Variants in RGS7 observed in about 807,000 individuals in gnomAD.
RGS7 encodes regulator of G protein signaling 7, also known as regulator of G-protein signaling 7.
A neutral mutation model predicts 81.1 loss-of-function variants in RGS7; 27 were observed. The ratio of observed to expected loss-of-function variants is 0.33; its 90% confidence interval spans 0.25 to 0.46. RGS7 has a LOEUF of 0.46. Ranked by LOEUF, RGS7 falls within the 20% of genes least tolerant of loss-of-function variation. The pLI, the probability that RGS7 is intolerant of heterozygous loss-of-function variation, is 1.00. For missense variants in RGS7, 396 were observed against 607.4 expected (o/e 0.65, Z 3.66); for synonymous variants, 208 against 207.7 (o/e 1.00, Z -0.01).
At chr1:241,333,358 G>A (rs1329731591) in intron 2 of RGS7, among the ~76,000 whole-genome samples, 1 of 152,168 alleles carries the variant, frequency 6.6e-6, no homozygotes, top group Non-Finnish European at 1.5e-5. Context: ...TCCCATTTGG[G>A]TCATTCCAAT....
chr1:240,834,304 T>C (rs1018960059), intron 9 of RGS7, among the ~76,000 whole-genome samples: 4 of 152,194 alleles, frequency 2.6e-5, no homozygotes, highest in Non-Finnish European at 5.9e-5. Context: ...CTATTAGGCC[T>C]CATTTGCTAG....
chr1:241,253,917 T>C (rs2076939610), intron 2 of RGS7, among the ~76,000 whole-genome samples: 1 of 152,128 alleles, frequency 6.6e-6, no homozygotes, highest in African/African-American at 2.4e-5. Flanking sequence ...CAGTGTTCAA[T>C]GTGGTGAAGA....
intron 2 of RGS7, among the ~76,000 whole-genome samples, chr1:241,251,138 C>G (rs1288313541): frequency 6.6e-6 from 1 of 152,172 alleles, no homozygotes; most frequent in Non-Finnish European, 1.5e-5. Flanking sequence ...ATTTTGGAGG[C>G]ATTATTCAAA....
chr1:241,202,349 C>T (rs1002715760), intron 2 of RGS7, among the ~76,000 whole-genome samples: 5 of 152,050 alleles, frequency 3.3e-5, no homozygotes, highest in Admixed American at 2.6e-4. Flanking sequence ...CTGTGGGGGC[C>T]AAGGGAAAAC....
chr1:240,781,944 G>A (rs1684173137), intron 18 of RGS7, among the ~76,000 whole-genome samples: 1 of 152,142 alleles, frequency 6.6e-6, no homozygotes, highest in Non-Finnish European at 1.5e-5. Context: ...GAACCTGGGA[G>A]GAGGAGGTTG....
chr1:240,873,702 C>T (rs1386527682), intron 6 of RGS7, among the ~76,000 whole-genome samples: 1 of 152,138 alleles, frequency 6.6e-6, no homozygotes, highest in Non-Finnish European at 1.5e-5. Context: ...GGTATGAAAG[C>T]ACATCACACA....
intron 2 of RGS7, among the ~76,000 whole-genome samples, chr1:241,289,592 G>C (rs543512124): frequency 6.6e-6 from 1 of 152,258 alleles, no homozygotes; most frequent in South Asian, 2.1e-4. Flanking sequence ...TAACATAGTT[G>C]TTAAATAAAT....
At chr1:240,909,266 T>C (rs187926319) in intron 6 of RGS7, among the ~76,000 whole-genome samples, 23 of 152,360 alleles carry the variant, frequency 1.5e-4, no homozygotes, top group Non-Finnish European at 2.9e-4. Flanking sequence ...CAATGAAGCA[T>C]ATTTGCATCA....
chr1:240,842,574 AT>A (rs1658262611), intron 9 of RGS7, among the ~76,000 whole-genome samples: 1 of 151,642 alleles, frequency 6.6e-6, no homozygotes, highest in African/African-American at 2.4e-5. Flanking sequence ...AAGCTAATAA[AT>A]TTTAGTAATT....
intron 9 of RGS7, among the ~76,000 whole-genome samples, chr1:240,865,771 A>G (rs925292510): frequency 6.6e-6 from 1 of 152,142 alleles, no homozygotes; most frequent in African/African-American, 2.4e-5. Context: ...GTTTTCCCCT[A>G]TGCCACTTTT....
intron 2 of RGS7, among the ~76,000 whole-genome samples, chr1:241,274,131 G>A (rs2078067078): frequency 6.6e-6 from 1 of 152,218 alleles, no homozygotes; most frequent in African/African-American, 2.4e-5. Flanking sequence ...ATGCTGTAGA[G>A]TGTCTGGCTT....
intron 3 of RGS7, among the ~76,000 whole-genome samples, chr1:241,043,550 ATAT>A (rs759342919): frequency 6.1e-5 from 9 of 147,566 alleles, no homozygotes; most frequent in African/African-American, 9.8e-5. Flanking sequence ...ATCATATATA[ATAT>A]TATATAGTTA....
intron 3 of RGS7, among the ~76,000 whole-genome samples, chr1:241,042,147 G>A (rs541504692): frequency 6.6e-6 from 1 of 152,280 alleles, no homozygotes; most frequent in Admixed American, 6.5e-5. Flanking sequence ...CCAAAAGAAC[G>A]CTGTCACATG....
intron 4 of RGS7, among the ~76,000 whole-genome samples, chr1:240,946,338 C>T (rs953706510): frequency 5.9e-5 from 9 of 152,136 alleles, no homozygotes; most frequent in African/African-American, 1.9e-4. Flanking sequence ...CATGGTGGCT[C>T]ACACCTGTAA....
chr1:241,071,723 A>C (rs2062458292), intron 3 of RGS7, among the ~76,000 whole-genome samples: 1 of 151,666 alleles, frequency 6.6e-6, no homozygotes, highest in South Asian at 2.1e-4. Context: ...ATTTAAAAAA[A>C]ATTAGCTGGG....
At chr1:240,841,302 C>T (rs1657943545) in intron 9 of RGS7, among the ~76,000 whole-genome samples, 1 of 152,196 alleles carries the variant, frequency 6.6e-6, no homozygotes, top group African/African-American at 2.4e-5. Flanking sequence ...GCCTTTATAA[C>T]TTTGTTTAAA....
rs190375712 is a variant in RGS7 at position 240,916,818 on chromosome 1, T to C, written c.385+13899A>G. Among the ~76,000 whole-genome samples, 165 of 152,302 alleles carry C rather than the reference T, an allele frequency of 1.1e-3. 1 individual carries two copies. In the South Asian group the frequency reaches 0.014, roughly 13 times the overall value. On this transcript the variant is annotated intron_variant, in intron 6 of 18. Coordinates refer to ENST00000440928, the MANE Select transcript of RGS7 (RefSeq NM_001364886.1). ...TCATATTTATTGATGAGATAATAAA[T>C]TTCTATTGTCTAAGCCATACAGTCT...
intron 2 of RGS7, among the ~76,000 whole-genome samples, chr1:241,265,370 AG>A (rs139697176): frequency 6.6e-6 from 1 of 152,352 alleles, no homozygotes; most frequent in Non-Finnish European, 1.5e-5. Context: ...GTTGATTCTG[AG>A]TATATAGAAA....
chr1:241,107,121 C>G (rs1338094029), intron 2 of RGS7, among the ~76,000 whole-genome samples: 1 of 152,134 alleles, frequency 6.6e-6, no homozygotes, highest in Non-Finnish European at 1.5e-5. Flanking sequence ...GTCTCATAAG[C>G]AGCCCGCCTT....
Sources: gnomAD v4.1 joint callset for allele counts (sites outside exome capture counted in the v4.1 genomes callset) on GRCh38, gnomAD v4.1.1 for gene constraint, MANE v1.5 for transcripts, NCBI Gene and HGNC (gene_info 2026-07-23, HGNC 2026-07-21) for gene names.